CAMK1D: variants seen among roughly 807,000 people sequenced by gnomAD.
The protein encoded by CAMK1D is calcium/calmodulin-dependent protein kinase type 1D.
In CAMK1D, 9 loss-of-function variants were observed where a neutral mutation model predicts 47.7. That is an observed-to-expected ratio of 0.19 (90% CI 0.11 to 0.33). The LOEUF is 0.33. CAMK1D is among the 10% of genes least tolerant of loss of function. The pLI is 1.00. For missense variants in CAMK1D, 291 were observed against 488.7 expected (o/e 0.60, Z 3.81); for synonymous variants, 184 against 184.9 (o/e 0.99, Z 0.04).
At chr10:12,494,510 A>G (rs1301343736) in intron 1 of CAMK1D, among the ~76,000 whole-genome samples, 1 of 152,186 alleles carries the variant, frequency 6.6e-6, no homozygotes, top group East Asian at 1.9e-4. Flanking sequence ...TTAGTGCATC[A>G]TAAAGCCAGA....
chr10:12,355,902 A>G lies in CAMK1D; in HGVS notation c.92+5992A>G, dbSNP rs201891039. 4.6e-5 allele frequency among the ~76,000 whole-genome samples: 7 copies of G among 152,186 alleles called. No homozygotes were observed. In the East Asian group the frequency reaches 1.3e-3, roughly 29 times the overall value. On this transcript the variant is annotated intron_variant, in intron 1 of 10. Transcript: ENST00000619168. Reference sequence around the variant, plus strand: ...AACAGCACGTTAGAAGCTGCAGGTTAGGCAGGAACCAAGAGCCAAAGGGGA... The same window carrying G: ...AACAGCACGTTAGAAGCTGCAGGTTGGGCAGGAACCAAGAGCCAAAGGGGA...
chr10:12,671,638 CGT>C (rs1053242500), intron 3 of CAMK1D, among the ~76,000 whole-genome samples: 1 of 151,434 alleles, frequency 6.6e-6, no homozygotes, highest in African/African-American at 2.4e-5. Flanking sequence ...TATATATACA[CGT>C]ATACACACAC....
At chr10:12,351,291 G>T (rs1420900143) in intron 1 of CAMK1D, among the ~76,000 whole-genome samples, 3 of 152,194 alleles carry the variant, frequency 2.0e-5, no homozygotes, top group African/African-American at 7.2e-5. Flanking sequence ...AACAGAAAAA[G>T]ATGTAGCTTT....
intron 6 of CAMK1D, among the ~76,000 whole-genome samples, chr10:12,805,367 C>CTTTT (rs35851814): frequency 1.6e-5 from 2 of 128,708 alleles, no homozygotes; most frequent in African/African-American, 5.8e-5. Context: ...CTTTACATTT[C>CTTTT]TTTTTTTTTT....
intron 4 of CAMK1D, among the ~76,000 whole-genome samples, chr10:12,761,818 G>A (rs1436147406): frequency 3.3e-5 from 5 of 152,172 alleles, no homozygotes; most frequent in Admixed American, 1.3e-4. Flanking sequence ...CCCAGGAGGC[G>A]AAGGTTGCAG....
intron 2 of CAMK1D, among the ~76,000 whole-genome samples, chr10:12,666,447 G>A (rs757940583): frequency 7.2e-4 from 110 of 152,166 alleles, no homozygotes; most frequent in Non-Finnish European, 1.4e-3. Context: ...GGCTCTACAA[G>A]ATAATAGGTT....
intron 3 of CAMK1D, among the ~76,000 whole-genome samples, chr10:12,696,180 A>G (rs759422706): frequency 1.3e-5 from 2 of 152,138 alleles, no homozygotes; most frequent in South Asian, 2.1e-4. Flanking sequence ...ATATGAGCCT[A>G]TTTACCAGAT....
At chr10:12,406,626 G>A (rs1173559009) in intron 1 of CAMK1D, among the ~76,000 whole-genome samples, 1 of 146,252 alleles carries the variant, frequency 6.8e-6, no homozygotes, top group Non-Finnish European at 1.5e-5. Flanking sequence ...GGGAGGCTGA[G>A]GCACAAGAAT....
intron 2 of CAMK1D, among the ~76,000 whole-genome samples, chr10:12,582,922 A>G (rs1218219239): frequency 6.6e-6 from 1 of 152,206 alleles, no homozygotes; most frequent in Admixed American, 6.5e-5. Flanking sequence ...CAGAAGTCCT[A>G]GATGAAATTT....
chr10:12,414,431 G>A (rs1429599799), intron 1 of CAMK1D, among the ~76,000 whole-genome samples: 1 of 152,188 alleles, frequency 6.6e-6, no homozygotes, highest in Non-Finnish European at 1.5e-5. Flanking sequence ...AAAATAGCTG[G>A]GGAGAGTGGT....
intron 6 of CAMK1D, 60 bp from the exon 7 acceptor site, chr10:12,814,135 T>A: frequency 9.1e-7 from 1 of 1,100,840 alleles, no homozygotes; most frequent in Non-Finnish European, 1.4e-6. Flanking sequence ...CCAGGCAAAG[T>A]GTACAGTCAC....
intron 10 of CAMK1D, among the ~76,000 whole-genome samples, chr10:12,826,364 A>G (rs1833209272): frequency 1.3e-5 from 2 of 152,184 alleles, no homozygotes; most frequent in African/African-American, 4.8e-5. Context: ...CCTGCCATTG[A>G]CTTCCATAAT....
chr10:12,735,537 G>A (rs867361082), intron 3 of CAMK1D, among the ~76,000 whole-genome samples: 9 of 152,274 alleles, frequency 5.9e-5, no homozygotes, highest in African/African-American at 1.2e-4. Flanking sequence ...GCGGAGGGGC[G>A]AACCTTCGGT....
At chr10:12,585,107 GAGGT>G (rs1837777229) in intron 2 of CAMK1D, among the ~76,000 whole-genome samples, 1 of 152,218 alleles carries the variant, frequency 6.6e-6, no homozygotes. Context: ...CCCCTACAAA[GAGGT>G]CTGTTGAGGA....
chr10:12,596,550 TC>T (rs1838151860), intron 2 of CAMK1D, among the ~76,000 whole-genome samples: 1 of 152,180 alleles, frequency 6.6e-6, no homozygotes, highest in South Asian at 2.1e-4. Context: ...TTTTTAACAC[TC>T]CAAATCTCTT....
chr10:12,432,871 T>C (rs1221816421), intron 1 of CAMK1D, among the ~76,000 whole-genome samples: 1 of 152,174 alleles, frequency 6.6e-6, no homozygotes, highest in Non-Finnish European at 1.5e-5. Context: ...GCTCCCAAGA[T>C]GGTGCCGTCT....
intron 1 of CAMK1D, among the ~76,000 whole-genome samples, chr10:12,441,528 TAA>T (rs111767948): frequency 0.081 from 11,912 of 146,486 alleles, 548 homozygotes; most frequent in Middle Eastern, 0.11. Flanking sequence ...TTCCTTTTGT[TAA>T]AAAAAAAAAA....
chr10:12,440,991 C>T (rs2132011990), intron 1 of CAMK1D, among the ~76,000 whole-genome samples: 1 of 152,350 alleles, frequency 6.6e-6, no homozygotes, highest in East Asian at 1.9e-4. Flanking sequence ...ACCCTCATTC[C>T]AGTGGGGTTG....
chr10:12,479,947 C>A lies in CAMK1D; in HGVS notation c.93-73278C>A, dbSNP rs903262212. ...ATACATGCTCTGCTTTCTGCCCCCCCAAATGCCACTTCCTGGCAGCCAAAG... is the reference window on the plus strand; with the variant it reads ...ATACATGCTCTGCTTTCTGCCCCCCAAAATGCCACTTCCTGGCAGCCAAAG... On this transcript the variant is annotated intron_variant, in intron 1 of 10. Coordinates refer to ENST00000619168, the MANE Select transcript of CAMK1D (RefSeq NM_153498.4). Among the ~76,000 whole-genome samples, 3 of 152,140 alleles carry A rather than the reference C, an allele frequency of 2.0e-5. No individual in the cohort carries two copies. The East Asian group carries it at 5.8e-4, about 29-fold the overall frequency.
Sources: allele counts gnomAD v4.1 joint callset (sites outside exome capture counted in the v4.1 genomes callset), GRCh38; gene constraint gnomAD v4.1.1; transcripts MANE v1.5; gene names NCBI Gene and HGNC (gene_info 2026-07-23, HGNC 2026-07-21).